The following PTCHD4 variants were observed in gnomAD, a reference collection of about 807,000 sequenced individuals.
The protein encoded by PTCHD4 is patched domain containing 4.
In PTCHD4, 33 loss-of-function variants were observed where a neutral mutation model predicts 58.1. The ratio of observed to expected loss-of-function variants is 0.57; its 90% CI spans 0.43 to 0.76. The LOEUF is 0.76. Among genes scored for constraint, PTCHD4 ranks in the 30% least tolerant of loss-of-function variants. PTCHD4 has a pLI of 0.00. For missense variants in PTCHD4, 1,058 were observed against 1,027.1 expected, an observed-to-expected ratio of 1.03 and a Z score of -0.41; for synonymous variants, 478 against 409.6, an observed-to-expected ratio of 1.17 and a Z score of -2.02.
Position 47,957,983 on chromosome 6 carries a change from A to G in PTCHD4, c.898+50651T>C, listed in dbSNP as rs1766937138. On this transcript the variant is annotated intron_variant, in intron 4 of 4. Transcript: ENST00000339488. ...TTGGAGGTGAAAGAAAATCAATTCC[A>G]CATTATTTTCCAAAAGCATATTATG... Among the ~76,000 whole-genome samples the G allele has an allele frequency of 2.6e-5, 4 of 152,294 alleles. No homozygotes were observed. The South Asian group carries it at 8.3e-4, about 32-fold the overall frequency.
chr6:47,955,666 C>T (rs1766829731), intron 4 of PTCHD4, among the ~76,000 whole-genome samples: 2 of 152,022 alleles, frequency 1.3e-5, no homozygotes, highest in Admixed American at 6.6e-5. Flanking sequence ...ATATTATAAA[C>T]AATATAAAAG....
intron 4 of PTCHD4, among the ~76,000 whole-genome samples, chr6:48,004,690 G>T (rs981748717): frequency 6.6e-6 from 1 of 152,186 alleles, no homozygotes; most frequent in African/African-American, 2.4e-5. Flanking sequence ...GCCAAGGCAG[G>T]TGGATCACCT....
intron 4 of PTCHD4, among the ~76,000 whole-genome samples, chr6:47,924,490 C>T (rs1052826420): frequency 6.6e-6 from 1 of 151,982 alleles, no homozygotes; most frequent in African/African-American, 2.4e-5. Context: ...CACTTTCTTT[C>T]GAGTATCATG....
Position 47,858,617 on chromosome 6 carries a change from A to C in PTCHD4, c.*19686T>G, listed in dbSNP as rs1163170209. Among the ~76,000 whole-genome samples the C allele has an allele frequency of 6.6e-6, 1 of 152,048 alleles. No individual in the cohort carries two copies. Among genetic ancestry groups the C allele is most frequent in the Non-Finnish European group, 1.5e-5 (1 of 67,968 alleles). ...CAATTATTTTGGAGAGATTCTAATA[A>C]GGATAAACTAAGGCATAAAACAAAG... On this transcript the variant is annotated 3_prime_UTR_variant, in exon 5 of 5. Transcript: ENST00000339488.
intron 4 of PTCHD4, among the ~76,000 whole-genome samples, chr6:47,978,451 A>G (rs1448569450): frequency 6.6e-6 from 1 of 152,180 alleles, no homozygotes; most frequent in African/African-American, 2.4e-5. Flanking sequence ...AAAGCTCTCT[A>G]TATCTTAGTT....
At chr6:48,066,869 C>T (rs1207409224) in intron 3 of PTCHD4, among the ~76,000 whole-genome samples, 1 of 150,502 alleles carries the variant, frequency 6.6e-6, no homozygotes, top group Admixed American at 6.6e-5. Flanking sequence ...ATTAAATCCT[C>T]CTTCAATTTA....
rs1436248258 is a variant in PTCHD4 at position 47,864,481 on chromosome 6, TA to T, written c.*13821del. Among the ~76,000 whole-genome samples the T allele has an allele frequency of 6.6e-6, 1 of 151,846 alleles. No individual in the cohort carries two copies. The highest frequency in any genetic ancestry group is 2.4e-5 in the African/African-American group (1 of 41,398). Reference sequence around the variant, plus strand: ...CTTCTTGAATGAAAGATTTGGAGAATAAAGGGGTTAATAGATAATTACATTT... The same window carrying T: ...CTTCTTGAATGAAAGATTTGGAGAATAAGGGGTTAATAGATAATTACATTT... On this transcript the variant is annotated 3_prime_UTR_variant, in exon 5 of 5. Transcript: ENST00000339488.
chr6:48,002,636 C>A (rs2114065515), intron 4 of PTCHD4, among the ~76,000 whole-genome samples: 1 of 151,964 alleles, frequency 6.6e-6, no homozygotes, highest in Non-Finnish European at 1.5e-5. Flanking sequence ...GGAGGGATAG[C>A]ATTAGGAGAT....
At chr6:47,949,813 G>C (rs1378121379) in intron 4 of PTCHD4, among the ~76,000 whole-genome samples, 4 of 151,788 alleles carry the variant, frequency 2.6e-5, no homozygotes, top group African/African-American at 9.7e-5. Context: ...ACCCCAGTTT[G>C]AATGTTCTGT....
intron 4 of PTCHD4, among the ~76,000 whole-genome samples, chr6:47,965,786 G>T (rs1430881286): frequency 6.6e-6 from 1 of 151,868 alleles, no homozygotes; most frequent in Non-Finnish European, 1.5e-5. Context: ...AAATTGGTGG[G>T]CGCCAGTAGT....
chr6:48,019,585 A>G (rs1414481559), intron 3 of PTCHD4, among the ~76,000 whole-genome samples: 2 of 152,016 alleles, frequency 1.3e-5, no homozygotes, highest in Admixed American at 6.6e-5. Context: ...AAATACAAAA[A>G]ATTAGCTGGG....
At chr6:48,075,651 A>AT (rs1765051131) in intron 1 of PTCHD4, among the ~76,000 whole-genome samples, 1 of 152,198 alleles carries the variant, frequency 6.6e-6, no homozygotes, top group Non-Finnish European at 1.5e-5. Flanking sequence ...AGTCACACAA[A>AT]TTTTTTGGTT....
At chr6:47,925,590 C>A (rs1765584578) in intron 4 of PTCHD4, among the ~76,000 whole-genome samples, 1 of 152,200 alleles carries the variant, frequency 6.6e-6, no homozygotes, top group Non-Finnish European at 1.5e-5. Context: ...CTAAAAGAAG[C>A]ACAGAAGCAT....
intron 3 of PTCHD4, among the ~76,000 whole-genome samples, chr6:48,056,166 A>T (rs899726425): frequency 5.3e-5 from 8 of 152,218 alleles, no homozygotes; most frequent in African/African-American, 1.9e-4. Flanking sequence ...TTTTTAAATT[A>T]TGTGGAGAAG....
At chr6:48,081,118 CA>C (rs1308557162) in intron 1 of PTCHD4, among the ~76,000 whole-genome samples, 8 of 152,090 alleles carry the variant, frequency 5.3e-5, no homozygotes, top group Non-Finnish European at 1.0e-4. Flanking sequence ...CCAAAATGTA[CA>C]AAACCCTCCT....
intron 1 of PTCHD4, among the ~76,000 whole-genome samples, chr6:48,080,299 T>C (rs900956382): frequency 2.0e-5 from 3 of 152,232 alleles, no homozygotes; most frequent in African/African-American, 4.8e-5. Flanking sequence ...CCAAGTTTTA[T>C]ATGACTGTTC....
intron 3 of PTCHD4, among the ~76,000 whole-genome samples, chr6:48,067,018 C>A (rs1163156956): frequency 6.6e-6 from 1 of 152,058 alleles, no homozygotes; most frequent in African/African-American, 2.4e-5. Context: ...TCCACTATCT[C>A]CACAGATGCA....
intron 4 of PTCHD4, among the ~76,000 whole-genome samples, chr6:47,913,181 C>T (rs2113870601): frequency 6.6e-6 from 1 of 152,142 alleles, no homozygotes; most frequent in Non-Finnish European, 1.5e-5. Context: ...TTCAGTTTTC[C>T]TCATCTGTAA....
intron 4 of PTCHD4, among the ~76,000 whole-genome samples, chr6:47,911,605 T>C (rs1427288461): frequency 6.6e-6 from 1 of 152,096 alleles, no homozygotes; most frequent in East Asian, 1.9e-4. Context: ...TGGTCAGTGA[T>C]GACATTGACT....
Sources: allele counts gnomAD v4.1 joint callset (sites outside exome capture counted in the v4.1 genomes callset), GRCh38; gene constraint gnomAD v4.1.1; transcripts MANE v1.5; gene names NCBI Gene and HGNC (gene_info 2026-07-23, HGNC 2026-07-21).